The following ARHGAP12 variants were observed in gnomAD, a reference collection of about 807,000 sequenced individuals.
The protein encoded by ARHGAP12 is rho GTPase-activating protein 12.
Under a neutral mutation model 108.6 loss-of-function variants are expected in ARHGAP12, and 64 were observed. The observed-to-expected ratio is 0.59, with a 90% CI of 0.48 to 0.73. ARHGAP12 has a LOEUF of 0.73. ARHGAP12 is among the 30% of genes least tolerant of loss of function. The pLI, the probability that ARHGAP12 is intolerant of heterozygous loss-of-function variation, is 0.00. For synonymous variants in ARHGAP12, 312 were observed against 337.2 expected, an observed-to-expected ratio of 0.93 and a Z score of 0.82; for missense variants, 940 against 1,005.9, an observed-to-expected ratio of 0.93 and a Z score of 0.89.
At chr10:31,875,157 T>C (rs1359938826) in intron 3 of ARHGAP12, among the ~76,000 whole-genome samples, 1 of 151,978 alleles carries the variant, frequency 6.6e-6, no homozygotes, top group Admixed American at 6.6e-5. Context: ...CATCTATTTT[T>C]GAAATGAGAT....
Position 31,826,303 on chromosome 10 carries a change from C to G in ARHGAP12, c.1530+1G>C. Reference sequence around the variant, plus strand: ...AATCTCCAAAGAGAAGAAATACTTACCCAACTTGTGCTACTTCCTTGAGTT... The same window carrying G: ...AATCTCCAAAGAGAAGAAATACTTAGCCAACTTGTGCTACTTCCTTGAGTT... On this transcript the variant is annotated splice_donor_variant, in intron 11 of 19. Transcript: ENST00000344936. LOFTEE classifies it high-confidence loss of function. 4 of 1,604,880 alleles carry G rather than the reference C, an allele frequency of 2.5e-6. No individual in the cohort carries two copies. The highest frequency in any genetic ancestry group is 1.7e-6 in the Non-Finnish European group (2 of 1,174,686).
At chr10:31,808,841 C>CA in intron 18 of ARHGAP12, 90 bp from the exon 19 acceptor site, 1 of 1,410,156 alleles carries the variant, frequency 7.1e-7, no homozygotes, top group South Asian at 1.2e-5. Context: ...TTTGGTAATA[C>CA]ACAGTGACAT....
At chr10:31,841,879 A>T (rs1404059737) in intron 7 of ARHGAP12, among the ~76,000 whole-genome samples, 1 of 152,084 alleles carries the variant, frequency 6.6e-6, no homozygotes, top group Non-Finnish European at 1.5e-5. Flanking sequence ...TCCCTTTTTC[A>T]AAACCTAAAA....
chr10:31,892,742 A>G (rs1476061532), intron 3 of ARHGAP12, among the ~76,000 whole-genome samples: 1 of 152,230 alleles, frequency 6.6e-6, no homozygotes, highest in African/African-American at 2.4e-5. Context: ...TCAGCTCTGC[A>G]CCAAGCAGAT....
chr10:31,919,147 C>T (rs1009938618), intron 1 of ARHGAP12, among the ~76,000 whole-genome samples: 3 of 152,138 alleles, frequency 2.0e-5, no homozygotes, highest in African/African-American at 7.2e-5. Flanking sequence ...TATATGATTT[C>T]ATGTATATAA....
chr10:31,807,718 C>T lies in ARHGAP12; in HGVS notation c.2481G>A (p.Val827=), dbSNP rs1834868708. ...TTAATTCTACAATCTGATTCTGGTACACAGTATGAACTGCTATATTACCAG... is the reference window on the plus strand; with the variant it reads ...TTAATTCTACAATCTGATTCTGGTATACAGTATGAACTGCTATATTACCAG... ...KETGNIAVHT[V]YQNQIVELIL... The change falls in exon 20 of 20, where the codon GTG becomes GTA. Residue 827 remains valine (V), a synonymous_variant. Transcript: ENST00000344936. 6.2e-7 allele frequency: 1 copy of T among 1,608,702 alleles called. No individual in the cohort carries two copies. The highest frequency in any genetic ancestry group is 8.5e-7 in the Non-Finnish European group (1 of 1,178,242).
At chr10:31,884,899 T>G (rs539515165) in intron 3 of ARHGAP12, among the ~76,000 whole-genome samples, 5 of 152,234 alleles carry the variant, frequency 3.3e-5, no homozygotes, top group African/African-American at 4.8e-5. Context: ...CTTCATAAAT[T>G]TTTAAAAAGC....
In ARHGAP12 at chr10:31,923,122, A is replaced by G. The variant is rs201695396; in HGVS notation, c.-111+5561T>C. Among the ~76,000 whole-genome samples the G allele has an allele frequency of 2.2e-5, 3 of 135,480 alleles. No individual in the cohort carries two copies. In the East Asian group the frequency reaches 6.2e-4, roughly 28 times the overall value. The allele number at this position is 135,480 out of a possible 152,430, so 88.9% of individuals were successfully genotyped here. A position where few individuals can be genotyped will look rare whatever the true frequency, so the allele number is the denominator to read the frequency against. ...CTGCAGCCTGGGGTGACAGAGCAAG[A>G]CCCTAACAGGAAAAAAAAAAAAAAA... On this transcript the variant is annotated intron_variant, in intron 1 of 19. Coordinates refer to ENST00000344936, the MANE Select transcript of ARHGAP12 (RefSeq NM_018287.7).
At chr10:31,867,885 T>C (rs577362137) in intron 3 of ARHGAP12, among the ~76,000 whole-genome samples, 3 of 151,176 alleles carry the variant, frequency 2.0e-5, no homozygotes, top group African/African-American at 7.4e-5. Context: ...GAAAATGCTA[T>C]GAATGATTTC....
chr10:31,900,435 A>G (rs1838871425), intron 3 of ARHGAP12, among the ~76,000 whole-genome samples: 1 of 152,214 alleles, frequency 6.6e-6, no homozygotes, highest in Non-Finnish European at 1.5e-5. Context: ...ATAACCAACA[A>G]AAACTGGAAG....
intron 1 of ARHGAP12, among the ~76,000 whole-genome samples, chr10:31,918,171 T>C (rs1243930131): frequency 6.6e-6 from 1 of 152,114 alleles, no homozygotes; most frequent in African/African-American, 2.4e-5. Context: ...CTCAGGCTAA[T>C]TTAAATGCAT....
chr10:31,912,624 T>C (rs1839400143), intron 1 of ARHGAP12, among the ~76,000 whole-genome samples: 1 of 152,140 alleles, frequency 6.6e-6, no homozygotes, highest in African/African-American at 2.4e-5. Flanking sequence ...AGGAGATGGA[T>C]AAGTGGTCAA....
At chr10:31,885,115 T>C (rs1838143471) in intron 3 of ARHGAP12, among the ~76,000 whole-genome samples, 1 of 152,188 alleles carries the variant, frequency 6.6e-6, no homozygotes, top group East Asian at 1.9e-4. Context: ...GGCTTACTTC[T>C]GTTCATTTTT....
intron 3 of ARHGAP12, among the ~76,000 whole-genome samples, chr10:31,892,122 G>A (rs960191875): frequency 6.6e-6 from 1 of 152,130 alleles, no homozygotes; most frequent in East Asian, 1.9e-4. Flanking sequence ...ACTAAACATG[G>A]AAAGGAACAA....
Position 31,820,479 on chromosome 10 carries a change from T to G in ARHGAP12, c.1540A>C (p.Asn514His), listed in dbSNP as rs374993453. 1.4e-4 allele frequency: 226 copies of G among 1,589,736 alleles called. No homozygotes were observed. Among genetic ancestry groups the G allele is most frequent in the Non-Finnish European group, 1.7e-4 (204 of 1,169,886 alleles). The change falls in exon 12 of 20, where the codon AAT becomes CAT. Residue 514 changes from asparagine (N) to histidine (H), a missense_variant. By Grantham distance (68) the Asn-to-His change is moderately conservative. Coordinates refer to ENST00000344936, the MANE Select transcript of ARHGAP12 (RefSeq NM_018287.7). ...ACTGTGAACTCTGGTTTGGACTGAT[T>G]ACTGCCAAACTTCATTTTTGAAAAA... ...QGSSTSWFGS[N>H]QSKPEFTVDL...
chr10:31,903,955 A>C (rs1008088114), intron 3 of ARHGAP12, among the ~76,000 whole-genome samples: 1 of 152,178 alleles, frequency 6.6e-6, no homozygotes, highest in African/African-American at 2.4e-5. Flanking sequence ...AATAGTGACA[A>C]CACCAAATGC....
intron 3 of ARHGAP12, among the ~76,000 whole-genome samples, chr10:31,890,175 A>T (rs1482480328): frequency 6.6e-6 from 1 of 152,208 alleles, no homozygotes; most frequent in African/African-American, 2.4e-5. Context: ...TGGTTCACCC[A>T]AGGATCAGCA....
chr10:31,810,137 ATAT>A (rs1471434251), intron 16 of ARHGAP12, among the ~76,000 whole-genome samples: 3 of 152,190 alleles, frequency 2.0e-5, no homozygotes, highest in African/African-American at 7.2e-5. Context: ...ACTAGTATAA[ATAT>A]TATAGCTATG....
chr10:31,922,786 A>G (rs557715689), intron 1 of ARHGAP12, among the ~76,000 whole-genome samples: 18 of 152,298 alleles, frequency 1.2e-4, no homozygotes, highest in Admixed American at 3.9e-4. Flanking sequence ...AAGCAGAGAG[A>G]AAACATCCCA....
Sources: allele counts gnomAD v4.1 joint callset (sites outside exome capture counted in the v4.1 genomes callset), GRCh38; gene constraint gnomAD v4.1.1; transcripts MANE v1.5; gene names NCBI Gene and HGNC (gene_info 2026-07-23, HGNC 2026-07-21).